Variants in ITGBL1 observed in about 807,000 individuals in gnomAD.
ITGBL1 encodes the protein integrin subunit beta like 1.
A neutral mutation model predicts 68.5 loss-of-function variants in ITGBL1; 51 were observed. The ratio of observed to expected loss-of-function variants is 0.74; its 90% CI spans 0.59 to 0.94. ITGBL1 has a LOEUF of 0.94. ITGBL1 is among the 40% of genes least tolerant of loss of function. The pLI is 0.00. For synonymous variants in ITGBL1, 209 were observed against 227.3 expected (o/e 0.92, Z 0.72); for missense variants, 649 against 647.4 (o/e 1.00, Z -0.03).
Position 101,584,000 on chromosome 13 carries a change from A to G in ITGBL1, c.868+644A>G, listed in dbSNP as rs114437974. Among the ~76,000 whole-genome samples the G allele has an allele frequency of 3.5e-3, 532 of 152,360 alleles. 6 individuals are homozygous for G. Among genetic ancestry groups the G allele is most frequent in the African/African-American group, 0.012 (514 of 41,588 alleles). On this transcript the variant is annotated intron_variant, in intron 6 of 10. Transcript: ENST00000376180. ...CAGGATAGTTATCATTAGGGCACCT[A>G]TATTAATGTATTACAAAACAGGATA...
chr13:101,630,996 T>C (rs540067102), intron 7 of ITGBL1, among the ~76,000 whole-genome samples: 5 of 152,326 alleles, frequency 3.3e-5, no homozygotes, highest in African/African-American at 1.2e-4. Context: ...CTCTATCTTA[T>C]GCTCCAACTG....
chr13:101,527,214 A>T (rs1476262707), intron 2 of ITGBL1, among the ~76,000 whole-genome samples: 1 of 152,144 alleles, frequency 6.6e-6, no homozygotes, highest in African/African-American at 2.4e-5. Context: ...AAACAATATC[A>T]TCATCTCCAA....
At chr13:101,612,570 T>TAA (rs11369253) in intron 7 of ITGBL1, among the ~76,000 whole-genome samples, 29 of 149,554 alleles carry the variant, frequency 1.9e-4, no homozygotes, top group Admixed American at 5.3e-4. Context: ...AATGTAATTA[T>TAA]AAAAAAAAAG....
At chr13:101,628,442 T>TC (rs2031861865) in intron 7 of ITGBL1, among the ~76,000 whole-genome samples, 1 of 151,538 alleles carries the variant, frequency 6.6e-6, no homozygotes, top group African/African-American at 2.4e-5. Flanking sequence ...TTTTTCTTTT[T>TC]TTTTTTTTAA....
intron 2 of ITGBL1, among the ~76,000 whole-genome samples, chr13:101,561,829 A>C (rs1057436113): frequency 4.6e-5 from 7 of 152,216 alleles, no homozygotes; most frequent in Non-Finnish European, 8.8e-5. Flanking sequence ...AATGTAAAGG[A>C]AGTTCTTTAG....
downstream of ITGBL1, chr13:101,718,595 G>C (rs2034809786): frequency 6.6e-6 from 1 of 151,974 alleles, no homozygotes; most frequent in Admixed American, 6.6e-5. Flanking sequence ...TCCACCCAGA[G>C]ACTTTTTCAA....
intron 2 of ITGBL1, among the ~76,000 whole-genome samples, chr13:101,490,643 C>T (rs1049100645): frequency 3.9e-5 from 6 of 152,274 alleles, no homozygotes; most frequent in African/African-American, 1.4e-4. Context: ...TGAGATGGTA[C>T]AGCTTCTGAA....
intron 7 of ITGBL1, among the ~76,000 whole-genome samples, chr13:101,604,887 T>TATATATATGTATATATATATACAC: frequency 4.5e-5 from 1 of 22,164 alleles, no homozygotes; most frequent in Non-Finnish European, 8.2e-5. Flanking sequence ...TATATATATA[T>TATATATATGTATATATATATACAC]ACACACACAC....
intron 2 of ITGBL1, among the ~76,000 whole-genome samples, chr13:101,565,979 C>T (rs2139247039): frequency 6.6e-6 from 1 of 152,094 alleles, no homozygotes; most frequent in Middle Eastern, 3.4e-3. Context: ...TTCCTTTGAC[C>T]CACAAATTAT....
intron 7 of ITGBL1, among the ~76,000 whole-genome samples, chr13:101,635,235 T>A (rs2032132102): frequency 6.6e-6 from 1 of 152,036 alleles, no homozygotes; most frequent in South Asian, 2.1e-4. Flanking sequence ...GCACAAAATA[T>A]CCTATGGAGC....
chr13:101,535,654 A>G (rs1262642431), intron 2 of ITGBL1, among the ~76,000 whole-genome samples: 1 of 152,188 alleles, frequency 6.6e-6, no homozygotes, highest in Non-Finnish European at 1.5e-5. Context: ...AACTGAAAAC[A>G]TGTTGAAGCT....
intron 2 of ITGBL1, among the ~76,000 whole-genome samples, chr13:101,458,994 G>T (rs967878221): frequency 2.6e-5 from 4 of 152,136 alleles, no homozygotes; most frequent in Admixed American, 2.6e-4. Flanking sequence ...TAGTGTCCAA[G>T]GATGAGTAAG....
intron 2 of ITGBL1, among the ~76,000 whole-genome samples, chr13:101,548,866 TTAAC>T (rs1261162448): frequency 2.6e-5 from 4 of 151,980 alleles, no homozygotes; most frequent in South Asian, 4.1e-4. Context: ...TTTAATGTGA[TTAAC>T]TACTCTCTCC....
intron 7 of ITGBL1, among the ~76,000 whole-genome samples, chr13:101,669,523 A>G (rs2033306458): frequency 6.6e-6 from 1 of 152,148 alleles, no homozygotes; most frequent in Non-Finnish European, 1.5e-5. Flanking sequence ...GTTAGAAGAG[A>G]ATTGTTTACA....
At chr13:101,475,908 G>C (rs928862485) in intron 2 of ITGBL1, among the ~76,000 whole-genome samples, 1 of 152,024 alleles carries the variant, frequency 6.6e-6, no homozygotes, top group South Asian at 2.1e-4. Context: ...ATAAACAAAA[G>C]CTTAGGATTT....
At chr13:101,605,759 T>C (rs1167931966) in intron 7 of ITGBL1, among the ~76,000 whole-genome samples, 2 of 137,768 alleles carry the variant, frequency 1.5e-5, no homozygotes, top group African/African-American at 2.7e-5. Context: ...TGCGTATATG[T>C]GTGTACACGT....
At chr13:101,707,778 A>G (rs1037045209) in intron 9 of ITGBL1, among the ~76,000 whole-genome samples, 3 of 151,586 alleles carry the variant, frequency 2.0e-5, no homozygotes, top group East Asian at 3.9e-4. Flanking sequence ...GCTTAAACCC[A>G]GGACGTGGAG....
intron 4 of ITGBL1, among the ~76,000 whole-genome samples, chr13:101,576,254 G>A (rs1268578450): frequency 7.2e-5 from 11 of 152,086 alleles, no homozygotes; most frequent in Admixed American, 5.9e-4. Context: ...ATTTGGGCTC[G>A]TGTCTGTGTG....
At chr13:101,588,379 T>C (rs1376332631) in intron 6 of ITGBL1, among the ~76,000 whole-genome samples, 2 of 152,074 alleles carry the variant, frequency 1.3e-5, no homozygotes, top group African/African-American at 4.8e-5. Flanking sequence ...TCTTCTGATG[T>C]TCGATATCAA....
Sources: allele counts gnomAD v4.1 joint callset (sites outside exome capture counted in the v4.1 genomes callset), GRCh38; gene constraint gnomAD v4.1.1; transcripts MANE v1.5; gene names NCBI Gene and HGNC (gene_info 2026-07-23, HGNC 2026-07-21).